PPIE: variants seen among roughly 807,000 people sequenced by gnomAD.
The protein encoded by PPIE is peptidylprolyl isomerase E, also known as peptidyl-prolyl cis-trans isomerase E.
In PPIE, 20 loss-of-function variants were observed where a neutral mutation model predicts 38.4. That is an observed-to-expected ratio of 0.52 (90% CI 0.37 to 0.76). The LOEUF (loss-of-function observed/expected upper bound fraction) is 0.76, where lower values mean the gene tolerates loss of function less well. Among genes scored for constraint, PPIE ranks in the 30% least tolerant of loss-of-function variants. The pLI is 0.00. For synonymous variants in PPIE, 142 were observed against 135.7 expected (o/e 1.05, Z -0.32); for missense variants, 322 against 385.8 (o/e 0.83, Z 1.39).
intron 6 of PPIE, 42 bp from the exon 7 acceptor site, chr1:39,745,333 G>A (rs376596139): frequency 9.3e-6 from 15 of 1,612,910 alleles, no homozygotes; most frequent in South Asian, 4.4e-5. Context: ...TACTTAGGGC[G>A]TCAGGGAGCT....
Position 39,755,158 on chromosome 1 carries a change from A to C in PPIE, c.*1803A>C, listed in dbSNP as rs925165612. ...CGGTTATAAAGAATCTCATCTGCTG[A>C]AGGCTTTTAGCAGGGACTGAGTCCT... On this transcript the variant is annotated 3_prime_UTR_variant, in exon 10 of 10. Transcript: ENST00000324379. 7.1e-6 allele frequency: 7 copies of C among 985,368 alleles called. No individual in the cohort carries two copies. In the African/African-American group the frequency reaches 1.2e-4, roughly 17 times the overall value. 61.0% of individuals were successfully genotyped at this position (985,368 alleles called of 1,614,324 possible).
chr1:39,753,601 AAGC>A lies in PPIE; in HGVS notation c.*247_*249del. On this transcript the variant is annotated 3_prime_UTR_variant, in exon 10 of 10. Coordinates refer to ENST00000324379, the MANE Select transcript of PPIE (RefSeq NM_006112.4). Reference sequence around the variant, plus strand: ...CTCCACCATGGGCAGGCTGTGCAAAAAGCCACTGGCTTTTCTCAGCATTTGCTG... The same window carrying A: ...CTCCACCATGGGCAGGCTGTGCAAAACACTGGCTTTTCTCAGCATTTGCTG... 7.4e-7 allele frequency: 1 copy of A among 1,343,538 alleles called. No individual in the cohort carries two copies. The highest frequency in any genetic ancestry group is 2.0e-5 in the South Asian group (1 of 50,400). The allele number at this position is 1,343,538 out of a possible 1,614,324, so 83.2% of individuals were successfully genotyped here.
chr1:39,756,664 T>C lies in PPIE; in HGVS notation c.*3309T>C, dbSNP rs901029090. On this transcript the variant is annotated 3_prime_UTR_variant, in exon 10 of 10. Coordinates refer to ENST00000324379, the MANE Select transcript of PPIE (RefSeq NM_006112.4). ...AAAGCACATCACAAAGAAACATATA[T>C]AGTACAGTGTGATCCCAATTTTGTA... is the stretch of plus-strand genomic sequence containing the variant. 2.1e-6 allele frequency: 2 copies of C among 946,704 alleles called. No individual in the cohort carries two copies. The highest frequency in any genetic ancestry group is 1.8e-5 in the African/African-American group (1 of 56,528). The allele number at this position is 946,704 out of a possible 1,614,324, so 58.6% of individuals were successfully genotyped here.
intron 9 of PPIE, chr1:39,763,030 C>A (rs1405173649): frequency 3.2e-6 from 5 of 1,578,708 alleles, no homozygotes; most frequent in Non-Finnish European, 2.6e-6. Context: ...CCAGCTGGAC[C>A]AGACCCCTCT....
Position 39,756,376 on chromosome 1 carries a change from C to A in PPIE, c.*3021C>A, listed in dbSNP as rs2124385706. On this transcript the variant is annotated 3_prime_UTR_variant, in exon 10 of 10. Transcript: ENST00000324379. ...TGATTCATTTCCCCCCTAACTCATT[C>A]AGAGTTGAGCCCCATCTGAGTCCCC... The A allele has an allele frequency of 1.0e-6, 1 of 985,428 alleles. No individual in the cohort carries two copies. The highest frequency in any genetic ancestry group is 4.7e-5 in the South Asian group (1 of 21,286). The allele number at this position is 985,428 out of a possible 1,614,324, so 61.0% of individuals were successfully genotyped here.
intron 8 of PPIE, among the ~76,000 whole-genome samples, chr1:39,750,584 A>G (rs1160582351): frequency 6.6e-6 from 1 of 152,118 alleles, no homozygotes; most frequent in Non-Finnish European, 1.5e-5. Context: ...GAAGTTTCAG[A>G]TTTTGGGGCA....
chr1:39,740,686 C>G (rs1307972678), intron 2 of PPIE, among the ~76,000 whole-genome samples: 1 of 152,224 alleles, frequency 6.6e-6, no homozygotes, highest in Non-Finnish European at 1.5e-5. Flanking sequence ...CTCTGCACCC[C>G]TGGGTGGGTT....
intron 9 of PPIE, chr1:39,763,064 G>A: frequency 6.2e-7 from 1 of 1,609,920 alleles, no homozygotes; most frequent in African/African-American, 1.3e-5. Context: ...CACCCCAGGG[G>A]GCTGGGCAGG....
chr1:39,739,564 C>T lies in PPIE; in HGVS notation c.32-601C>T, dbSNP rs116746230. Among the ~76,000 whole-genome samples, 305 of 152,262 alleles carry T rather than the reference C, an allele frequency of 2.0e-3. 1 individual carries two copies. Among genetic ancestry groups the T allele is most frequent in the African/African-American group, 7.1e-3 (293 of 41,532 alleles). On this transcript the variant is annotated intron_variant, in intron 1 of 9. Transcript: ENST00000324379. ...GATCATGATAATATGGGCCTGGCTG[C>T]GGGACAAATGACCCATCCATCTGGA... is the stretch of plus-strand genomic sequence containing the variant.
intron 9 of PPIE, among the ~76,000 whole-genome samples, chr1:39,762,043 A>C (rs1046708329): frequency 6.6e-6 from 1 of 152,302 alleles, no homozygotes; most frequent in South Asian, 2.1e-4. Context: ...ACACGGCATA[A>C]AGGGTGGCTG....
Position 39,755,708 on chromosome 1 carries a change from T to G in PPIE, c.*2353T>G. The G allele has an allele frequency of 5.1e-6, 5 of 985,150 alleles. No homozygotes were observed. The highest frequency in any genetic ancestry group is 6.0e-6 in the Non-Finnish European group (5 of 829,878). The allele number at this position is 985,150 out of a possible 1,614,324, so 61.0% of individuals were successfully genotyped here. ...GTTCCTCCCTGATACTCTGGGGAGG[T>G]GGAGGCCAGTGGGCAGTTCTGAAAG... On this transcript the variant is annotated 3_prime_UTR_variant, in exon 10 of 10. Coordinates refer to ENST00000324379, the MANE Select transcript of PPIE (RefSeq NM_006112.4).
downstream of PPIE, chr1:39,757,880 T>A (rs900075889): frequency 6.6e-6 from 1 of 152,262 alleles, no homozygotes; most frequent in African/African-American, 2.4e-5. Flanking sequence ...GGTGACTATC[T>A]GGATGATAAA....
chr1:39,754,563 A>G lies in PPIE; in HGVS notation c.*1208A>G, dbSNP rs992074605. Reference sequence around the variant, plus strand: ...TTACTCTCTACTGACTTAAATATTAATCCATCTAAAAAATAGGCCAGGCAT... The same window carrying G: ...TTACTCTCTACTGACTTAAATATTAGTCCATCTAAAAAATAGGCCAGGCAT... On this transcript the variant is annotated 3_prime_UTR_variant, in exon 10 of 10. Transcript: ENST00000324379. Among the ~76,000 whole-genome samples the G allele has an allele frequency of 2.0e-5, 3 of 152,174 alleles. No individual in the cohort carries two copies. The highest frequency in any genetic ancestry group is 2.0e-4 in the Admixed American group (3 of 15,278).
At chr1:39,762,295 G>A (rs1649100305) in intron 9 of PPIE, 1 of 489,286 alleles carries the variant, frequency 2.0e-6, no homozygotes, top group Non-Finnish European at 3.6e-6. Context: ...TTGAACTTCT[G>A]GGCTCGTGTG....
chr1:39,742,469 G>C (rs993136281), intron 4 of PPIE: 1 of 147,898 alleles, frequency 6.8e-6, no homozygotes, highest in East Asian at 2.0e-4. Flanking sequence ...ATACTTCAGT[G>C]CCTGTTACTT....
chr1:39,753,509 T>C lies in PPIE; in HGVS notation c.*154T>C. ...CTCAGGGTCTGCTTGGAGCAGCTCC[T>C]CTGCAGGCACAGCCTGGACTATTCC... On this transcript the variant is annotated 3_prime_UTR_variant, in exon 10 of 10. Transcript: ENST00000324379. 6.9e-7 allele frequency: 1 copy of C among 1,441,026 alleles called. No homozygotes were observed. The highest frequency in any genetic ancestry group is 9.1e-7 in the Non-Finnish European group (1 of 1,100,632). 89.3% of individuals were successfully genotyped at this position (1,441,026 alleles called of 1,614,324 possible).
intron 1 of PPIE, 159 bp downstream of exon 1, chr1:39,739,090 T>C (rs1030647333): frequency 2.7e-6 from 2 of 739,876 alleles, no homozygotes; most frequent in African/African-American, 3.7e-5. Flanking sequence ...GTGCTTAAAC[T>C]CCTTCCAAGG....
chr1:39,762,671 C>T (rs1319108270), intron 9 of PPIE: 58 of 1,512,688 alleles, frequency 3.8e-5, no homozygotes, highest in Non-Finnish European at 5.0e-5. Context: ...TGCACACGCA[C>T]ACCCCACACA....
At chr1:39,740,895 C>CTT (rs1647041059) in intron 2 of PPIE, among the ~76,000 whole-genome samples, 2 of 152,158 alleles carry the variant, frequency 1.3e-5, no homozygotes, top group South Asian at 4.1e-4. Flanking sequence ...CTTCTAGTCT[C>CTT]TGAGTTCTAT....
Sources: gnomAD v4.1 joint callset for allele counts (sites outside exome capture counted in the v4.1 genomes callset) on GRCh38, gnomAD v4.1.1 for gene constraint, MANE v1.5 for transcripts, NCBI Gene and HGNC (gene_info 2026-07-23, HGNC 2026-07-21) for gene names.